FDFT1: variants seen among roughly 807,000 people sequenced by gnomAD.
FDFT1 encodes the protein squalene synthase.
A neutral mutation model predicts 46.8 loss-of-function variants in FDFT1; 68 were observed. The ratio of observed to expected loss-of-function variants is 1.45; its 90% CI spans 1.19 to 1.78. The LOEUF is 1.78. FDFT1 is among the 40% of genes most tolerant of loss of function. The pLI, the probability that FDFT1 is intolerant of heterozygous loss-of-function variation, is 0.00. For synonymous variants in FDFT1, 351 were observed against 185.1 expected (o/e 1.90, Z -7.28); for missense variants, 928 against 524.4 (o/e 1.77, Z -7.52).
At chr8:11,800,688 A>C (rs1206737048), upstream of FDFT1, among the ~76,000 whole-genome samples, 1 of 152,254 alleles carries the variant, frequency 6.6e-6, no homozygotes, top group African/African-American at 2.4e-5. Context: ...AAGAACATGA[A>C]GTACATTGAT....
Position 11,831,607 on chromosome 8 carries a change from C to G in FDFT1, c.969C>G (p.Thr323=), listed in dbSNP as rs775005195. Residue 323 remains threonine, a synonymous_variant, in exon 7 of 8, where the codon ACC becomes ACG. Transcript: ENST00000220584. ...AVKIRKGQAV[T]LMMDATNMPA... ...AGATTCGGAAAGGGCAAGCAGTGAC[C>G]CTGATGATGGATGCCACCAATATGC... 2 of 1,613,750 alleles carry G rather than the reference C, an allele frequency of 1.2e-6. No homozygotes were observed. Among genetic ancestry groups the G allele is most frequent in the African/African-American group, 2.7e-5 (2 of 74,896 alleles).
chr8:11,798,778 A>G (rs1805818448), upstream of FDFT1, among the ~76,000 whole-genome samples: 1 of 152,250 alleles, frequency 6.6e-6, no homozygotes, highest in South Asian at 2.1e-4. Context: ...TGTGCTGGGC[A>G]CTATTCCAGA....
At chr8:11,803,124 G>T (rs1431935411) in intron 1 of FDFT1, 193 bp downstream of exon 1, 11 of 1,432,196 alleles carry the variant, frequency 7.7e-6, no homozygotes, top group Non-Finnish European at 1.0e-5. Flanking sequence ...TGGCTGACCT[G>T]TCCCTGCCCC....
chr8:11,838,892 T>A lies in FDFT1; in HGVS notation c.*283T>A. 3 of 426,442 alleles carry A rather than the reference T, an allele frequency of 7.0e-6. No individual in the cohort carries two copies. Among genetic ancestry groups the A allele is most frequent in the South Asian group, 4.8e-5 (2 of 41,800 alleles). The allele number at this position is 426,442 out of a possible 1,614,324, so 26.4% of individuals were successfully genotyped here. Reference sequence around the variant, plus strand: ...CCACGGTTTAGGTGAAGTCGCTGCATATGTGACTGTCATGAGATCCTACTT... The same window carrying A: ...CCACGGTTTAGGTGAAGTCGCTGCAAATGTGACTGTCATGAGATCCTACTT... On this transcript the variant is annotated 3_prime_UTR_variant, in exon 8 of 8. Coordinates refer to ENST00000220584, the MANE Select transcript of FDFT1 (RefSeq NM_004462.5).
At chr8:11,815,584 C>G (rs1409674428) in intron 3 of FDFT1, among the ~76,000 whole-genome samples, 2 of 152,202 alleles carry the variant, frequency 1.3e-5, no homozygotes, top group Non-Finnish European at 2.9e-5. Flanking sequence ...GAGATGGTAT[C>G]TCATTGTGGT....
chr8:11,807,097 C>G (rs1037581673), intron 1 of FDFT1, among the ~76,000 whole-genome samples: 4 of 151,790 alleles, frequency 2.6e-5, no homozygotes, highest in African/African-American at 9.7e-5. Context: ...TCTGAAGTGA[C>G]TATGGAATTT....
At chr8:11,818,788 G>C (rs1457115736) in intron 3 of FDFT1, among the ~76,000 whole-genome samples, 1 of 152,064 alleles carries the variant, frequency 6.6e-6, no homozygotes, top group Non-Finnish European at 1.5e-5. Context: ...GCACAGTGAC[G>C]GGCCTTGACT....
At chr8:11,815,763 A>G (rs893144624) in intron 3 of FDFT1, among the ~76,000 whole-genome samples, 3 of 152,104 alleles carry the variant, frequency 2.0e-5, no homozygotes, top group Non-Finnish European at 2.9e-5. Context: ...TAGATTCTGG[A>G]TACTACCCTT....
intron 4 of FDFT1, among the ~76,000 whole-genome samples, chr8:11,823,595 G>C (rs1022381348): frequency 6.6e-6 from 1 of 150,852 alleles, no homozygotes; most frequent in African/African-American, 2.4e-5. Flanking sequence ...TTTTTTTTGA[G>C]ACAGGGTCTC....
At chr8:11,815,364 T>C (rs191935671) in intron 3 of FDFT1, among the ~76,000 whole-genome samples, 29 of 152,352 alleles carry the variant, frequency 1.9e-4, no homozygotes, top group African/African-American at 5.3e-4. Context: ...GGACGAGTTA[T>C]AATCCTTTGG....
chr8:11,813,724 CCTT>C (rs1303899414), intron 3 of FDFT1, among the ~76,000 whole-genome samples: 1 of 152,188 alleles, frequency 6.6e-6, no homozygotes, highest in African/African-American at 2.4e-5. Flanking sequence ...CTGGGACCTT[CCTT>C]CTTGTACTTG....
upstream of FDFT1, among the ~76,000 whole-genome samples, chr8:11,799,567 G>A (rs1388008858): frequency 6.6e-6 from 1 of 152,212 alleles, no homozygotes; most frequent in African/African-American, 2.4e-5. Flanking sequence ...AGTTGTGTAT[G>A]AACTCCAAAA....
At chr8:11,797,256 G>C (rs1221136668), upstream of FDFT1, among the ~76,000 whole-genome samples, 1 of 152,086 alleles carries the variant, frequency 6.6e-6, no homozygotes, top group African/African-American at 2.4e-5. Flanking sequence ...GAGTTCCTTG[G>C]ACTGCCTGCA....
intron 7 of FDFT1, among the ~76,000 whole-genome samples, chr8:11,833,694 C>T (rs76144878): frequency 6.6e-6 from 1 of 152,184 alleles, no homozygotes; most frequent in Non-Finnish European, 1.5e-5. Context: ...CCATTTGCTT[C>T]TTTGTCTTCT....
chr8:11,829,653 C>G (rs1025456023), intron 5 of FDFT1, among the ~76,000 whole-genome samples: 7 of 152,084 alleles, frequency 4.6e-5, no homozygotes, highest in African/African-American at 1.4e-4. Flanking sequence ...TGAATTCGTC[C>G]AAGTAGTGCA....
At chr8:11,802,225 C>G, upstream of FDFT1, 1 of 393,590 alleles carries the variant, frequency 2.5e-6, no homozygotes, top group Non-Finnish European at 5.0e-6. Flanking sequence ...AGACGCCCAG[C>G]TTGGCGCTGG....
At chr8:11,816,414 G>C (rs1022405544) in intron 3 of FDFT1, among the ~76,000 whole-genome samples, 1 of 152,164 alleles carries the variant, frequency 6.6e-6, no homozygotes, top group African/African-American at 2.4e-5. Flanking sequence ...GAAAGTCATT[G>C]GTAGCTTGAT....
chr8:11,830,076 G>A (rs562283144), intron 5 of FDFT1, among the ~76,000 whole-genome samples, 168 bp from the exon 6 acceptor site: 30 of 152,280 alleles, frequency 2.0e-4, no homozygotes, highest in African/African-American at 7.2e-4. Context: ...TTGAACTCCT[G>A]ACCTCGTGAT....
At chr8:11,800,667 T>G (rs1563286505), upstream of FDFT1, among the ~76,000 whole-genome samples, 2 of 152,216 alleles carry the variant, frequency 1.3e-5, no homozygotes, top group African/African-American at 4.8e-5. Flanking sequence ...TTAGGCTAAA[T>G]TGTGAGAGCT....
Sources: gnomAD v4.1 joint callset for allele counts (sites outside exome capture counted in the v4.1 genomes callset) on GRCh38, gnomAD v4.1.1 for gene constraint, MANE v1.5 for transcripts, NCBI Gene and HGNC (gene_info 2026-07-23, HGNC 2026-07-21) for gene names.